Variants in LARGE1 observed in about 807,000 individuals in gnomAD.
LARGE1 encodes xylosyl- and glucuronyltransferase LARGE1.
Under a neutral mutation model 87.6 loss-of-function variants are expected in LARGE1, and 43 were observed. The ratio of observed to expected loss-of-function variants is 0.49; its 90% CI spans 0.38 to 0.63. The LOEUF is 0.63. Among genes scored for constraint, LARGE1 ranks in the 30% least tolerant of loss-of-function variants. The probability of loss-of-function intolerance (pLI) is 0.00; values close to 1 mark genes in which losing one functional copy is unlikely to be tolerated. For missense variants in LARGE1, 802 were observed against 1,000.2 expected (o/e 0.80, Z 2.67); for synonymous variants, 434 against 394.6 (o/e 1.10, Z -1.18).
intron 9 of LARGE1, among the ~76,000 whole-genome samples, chr22:33,361,751 C>CTCTT (rs921016299): frequency 6.7e-6 from 1 of 149,804 alleles, no homozygotes; most frequent in African/African-American, 2.5e-5. Context: ...AGAGTCCCTC[C>CTCTT]TCTTTAGAGT....
At chr22:33,236,324 T>G (rs937372007) in intron 11 of LARGE1, among the ~76,000 whole-genome samples, 1 of 152,166 alleles carries the variant, frequency 6.6e-6, no homozygotes, top group Non-Finnish European at 1.5e-5. Flanking sequence ...TGATGAGAGA[T>G]AGTGGTGCCA....
intron 1 of LARGE1, among the ~76,000 whole-genome samples, chr22:33,898,278 T>C (rs560132529): frequency 6.6e-6 from 1 of 152,144 alleles, no homozygotes; most frequent in African/African-American, 2.4e-5. Context: ...CACGGTTCCC[T>C]TGATCTGGGC....
chr22:33,512,266 A>C (rs935471028), intron 6 of LARGE1, among the ~76,000 whole-genome samples: 3 of 152,152 alleles, frequency 2.0e-5, no homozygotes. Flanking sequence ...ATGCCAAAGA[A>C]ATTCAACAGT....
At chr22:33,372,855 T>C (rs2064863852) in intron 9 of LARGE1, among the ~76,000 whole-genome samples, 1 of 152,118 alleles carries the variant, frequency 6.6e-6, no homozygotes, top group Admixed American at 6.5e-5. Flanking sequence ...AAAAGTATAT[T>C]TAGAATGGAA....
At chr22:33,266,668 A>T (rs757189032) in intron 11 of LARGE1, among the ~76,000 whole-genome samples, 3 of 151,742 alleles carry the variant, frequency 2.0e-5, no homozygotes, top group Non-Finnish European at 4.4e-5. Context: ...CTCCAGCAGG[A>T]GTATGAAAAG....
intron 1 of LARGE1, among the ~76,000 whole-genome samples, chr22:33,785,123 G>GTGTATACATGCATATGTGTATATA (rs1569445874): frequency 2.8e-5 from 1 of 35,926 alleles, no homozygotes; most frequent in Non-Finnish European, 5.5e-5. Flanking sequence ...ATGTGTATAT[G>GTGTATACATGCATATGTGTATATA]CATATATGTG....
chr22:33,828,991 G>C (rs186841302), intron 1 of LARGE1, among the ~76,000 whole-genome samples: 2 of 144,560 alleles, frequency 1.4e-5, no homozygotes, highest in South Asian at 4.5e-4. Context: ...GAGATGCTTT[G>C]TGAAGTCTCT....
At chr22:33,585,715 G>T (rs1415396918) in intron 5 of LARGE1, among the ~76,000 whole-genome samples, 3 of 152,140 alleles carry the variant, frequency 2.0e-5, no homozygotes, top group Admixed American at 1.3e-4. Context: ...ACTTTACTCA[G>T]GTTATATATT....
intron 4 of LARGE1, among the ~76,000 whole-genome samples, chr22:33,622,162 G>T (rs2079774926): frequency 6.6e-6 from 1 of 152,124 alleles, no homozygotes; most frequent in Admixed American, 6.5e-5. Context: ...ATTTCGAATT[G>T]TAATTCCTAT....
At chr22:33,732,964 C>T (rs1213395827) in intron 2 of LARGE1, 3 of 152,456 alleles carry the variant, frequency 2.0e-5, no homozygotes, top group Admixed American at 1.3e-4. Flanking sequence ...CATGTCATCT[C>T]CTGTATCAAG....
intron 2 of LARGE1, among the ~76,000 whole-genome samples, chr22:33,718,236 G>C (rs2082970663): frequency 6.6e-6 from 1 of 152,170 alleles, no homozygotes; most frequent in Non-Finnish European, 1.5e-5. Context: ...CCAAAGAAGA[G>C]GCCCATCCTC....
intron 2 of LARGE1, among the ~76,000 whole-genome samples, chr22:33,742,383 G>A (rs1032765135): frequency 1.3e-5 from 2 of 152,206 alleles, no homozygotes; most frequent in African/African-American, 4.8e-5. Context: ...TTTCTATCCT[G>A]TTCTCATAAA....
intron 11 of LARGE1, among the ~76,000 whole-genome samples, chr22:33,181,826 C>A (rs1602056242): frequency 9.6e-6 from 1 of 103,674 alleles, no homozygotes; most frequent in Non-Finnish European, 1.9e-5. Flanking sequence ...GTATGCCTGG[C>A]CTTTTTTTTT....
chr22:33,555,540 A>T (rs1354969274), intron 6 of LARGE1, among the ~76,000 whole-genome samples: 1 of 152,292 alleles, frequency 6.6e-6, no homozygotes, highest in East Asian at 1.9e-4. Flanking sequence ...GGATTATGGT[A>T]GCAAGACAGG....
At chr22:33,873,283 C>T (rs2064357535) in intron 1 of LARGE1, 2 of 152,182 alleles carry the variant, frequency 1.3e-5, no homozygotes, top group Non-Finnish European at 1.5e-5. Context: ...TGGGATCAGG[C>T]CTATTTCTTT....
intron 1 of LARGE1, among the ~76,000 whole-genome samples, chr22:33,824,374 G>C (rs1330066727): frequency 2.6e-5 from 4 of 152,182 alleles, no homozygotes; most frequent in Non-Finnish European, 5.9e-5. Flanking sequence ...ATGGTGGAAG[G>C]AGAAAGAGAG....
intron 6 of LARGE1, among the ~76,000 whole-genome samples, chr22:33,538,112 T>G (rs990612716): frequency 6.6e-6 from 1 of 152,126 alleles, no homozygotes; most frequent in Non-Finnish European, 1.5e-5. Flanking sequence ...CCTCCATGCC[T>G]TTTCCAAGGT....
chr22:33,210,891 C>T (rs1924929417), intron 11 of LARGE1, among the ~76,000 whole-genome samples: 1 of 152,228 alleles, frequency 6.6e-6, no homozygotes. Context: ...CATTCATTGG[C>T]TCTGGCTGCC....
At chr22:33,565,814 G>T (rs1433712677) in intron 5 of LARGE1, among the ~76,000 whole-genome samples, 1 of 152,192 alleles carries the variant, frequency 6.6e-6, no homozygotes, top group Non-Finnish European at 1.5e-5. Flanking sequence ...TTGCAGGTGG[G>T]CAGAGTCATC....
Sources: allele counts gnomAD v4.1 joint callset (sites outside exome capture counted in the v4.1 genomes callset), GRCh38; gene constraint gnomAD v4.1.1; transcripts MANE v1.5; gene names NCBI Gene and HGNC (gene_info 2026-07-23, HGNC 2026-07-21).